MEOX1: variants seen among roughly 807,000 people sequenced by gnomAD.
The protein encoded by MEOX1 is mesenchyme homeobox 1.
A neutral mutation model predicts 23.2 loss-of-function variants in MEOX1; 17 were observed. The ratio of observed to expected loss-of-function variants is 0.73; its 90% CI spans 0.50 to 1.10. The LOEUF (loss-of-function observed/expected upper bound fraction) is 1.10. Ranked by LOEUF, MEOX1 falls within the 50% of genes least tolerant of loss-of-function variation. The probability of loss-of-function intolerance (pLI) is 0.00; values close to 1 mark genes in which losing one functional copy is unlikely to be tolerated. For missense variants in MEOX1, 333 were observed against 332.2 expected (o/e 1.00, Z -0.02); for synonymous variants, 134 against 135.1 (o/e 0.99, Z 0.06).
chr17:43,644,119 A>T (rs1972758403), intron 1 of MEOX1, among the ~76,000 whole-genome samples: 1 of 152,160 alleles, frequency 6.6e-6, no homozygotes, highest in Admixed American at 6.5e-5. Flanking sequence ...AGACCTACTA[A>T]GTCAGAAACT....
At chr17:43,654,913 G>T (rs190183678) in intron 1 of MEOX1, among the ~76,000 whole-genome samples, 1 of 151,856 alleles carries the variant, frequency 6.6e-6, no homozygotes, top group African/African-American at 2.4e-5. Flanking sequence ...TTAGCCAGAC[G>T]TGGTGGTGGG....
At chr17:43,647,918 G>A (rs964884203) in intron 1 of MEOX1, among the ~76,000 whole-genome samples, 1 of 152,224 alleles carries the variant, frequency 6.6e-6, no homozygotes, top group African/African-American at 2.4e-5. Context: ...GGCTCTGGGA[G>A]GGCGGTTGTC....
chr17:43,657,901 TCTTA>T (rs1973068721), intron 1 of MEOX1, among the ~76,000 whole-genome samples: 1 of 152,266 alleles, frequency 6.6e-6, no homozygotes, highest in Admixed American at 6.5e-5. Context: ...TTTATTGAAC[TCTTA>T]CTATGTGCCA....
chr17:43,661,417 GC>G lies in MEOX1; in HGVS notation c.117del (p.Thr41ProfsTer156). The stretch of plus-strand genomic sequence containing the variant: ...TTCTGGTGGAAGGAGAACGGGGTGG[GC>G]GGGTAGTGGGGTAGCCCTGAGGCCC... ...GNGASGLPHY[P>X]PTPFSFHQKP... On this transcript the variant is annotated frameshift_variant, in exon 1 of 3. Coordinates refer to ENST00000318579, the MANE Select transcript of MEOX1 (RefSeq NM_004527.4). LOFTEE classifies it high-confidence loss of function. 1 of 1,611,850 alleles carries G rather than the reference GC, an allele frequency of 6.2e-7. No individual in the cohort carries two copies. Among genetic ancestry groups the G allele is most frequent in the Non-Finnish European group, 8.5e-7 (1 of 1,178,578 alleles).
At chr17:43,650,796 GAC>G (rs1459182248) in intron 1 of MEOX1, among the ~76,000 whole-genome samples, 6 of 152,180 alleles carry the variant, frequency 3.9e-5, no homozygotes, top group Non-Finnish European at 7.3e-5. Flanking sequence ...AAATAGACAA[GAC>G]TGGGATGGAG....
At chr17:43,649,938 A>G (rs1972886448) in intron 1 of MEOX1, among the ~76,000 whole-genome samples, 1 of 152,182 alleles carries the variant, frequency 6.6e-6, no homozygotes, top group Admixed American at 6.5e-5. Flanking sequence ...ATTATTTCAT[A>G]TGTAGCTGCC....
chr17:43,661,542 C>G lies in MEOX1; in HGVS notation c.-8G>C. The G allele has an allele frequency of 6.7e-7, 1 of 1,489,156 alleles. No individual in the cohort carries two copies. Among genetic ancestry groups the G allele is most frequent in the Non-Finnish European group, 9.0e-7 (1 of 1,109,434 alleles). 92.2% of individuals were successfully genotyped at this position (1,489,156 alleles called of 1,614,324 possible). The stretch of plus-strand genomic sequence containing the variant: ...GCTGGCCGCGGGATCCATCTGCTGT[C>G]CGCTGCACGCCTCGGTCCTTTCAAA... On this transcript the variant is annotated 5_prime_UTR_variant, in exon 1 of 3. Transcript: ENST00000318579.
At chr17:43,651,302 G>C (rs183918740) in intron 1 of MEOX1, among the ~76,000 whole-genome samples, 8 of 152,320 alleles carry the variant, frequency 5.3e-5, no homozygotes, top group African/African-American at 1.9e-4. Context: ...CTGGGCGACA[G>C]AGTGAGACTC....
chr17:43,661,567 AGATTT>A lies in MEOX1; in HGVS notation c.-38_-34del. The A allele has an allele frequency of 1.6e-6, 2 of 1,247,746 alleles. No individual in the cohort carries two copies. Among genetic ancestry groups the A allele is most frequent in the Non-Finnish European group, 2.1e-6 (2 of 943,650 alleles). The allele number at this position is 1,247,746 out of a possible 1,614,324, so 77.3% of individuals were successfully genotyped here. Reference sequence around the variant, plus strand: ...CCGCTGCACGCCTCGGTCCTTTCAAAGATTTGATTCTTTATACTTTTTATGTTCAA... The same window carrying A: ...CCGCTGCACGCCTCGGTCCTTTCAAAGATTCTTTATACTTTTTATGTTCAA... On this transcript the variant is annotated 5_prime_UTR_variant, in exon 1 of 3. Coordinates refer to ENST00000318579, the MANE Select transcript of MEOX1 (RefSeq NM_004527.4).
At position 43,641,766 on chromosome 17, in the gene MEOX1, G is replaced by T; in HGVS notation, c.*144C>A. On this transcript the variant is annotated 3_prime_UTR_variant, in exon 3 of 3. Coordinates refer to ENST00000318579, the MANE Select transcript of MEOX1 (RefSeq NM_004527.4). ...AGAAAATCCTAAGACTCCCAGGAAT[G>T]CTGGGCAGTTTCATATCCAAGAGTC... 1 of 830,132 alleles carries T rather than the reference G, an allele frequency of 1.2e-6. No individual in the cohort carries two copies. Among genetic ancestry groups the T allele is most frequent in the Non-Finnish European group, 1.8e-6 (1 of 541,154 alleles). The allele number at this position is 830,132 out of a possible 1,614,324, so 51.4% of individuals were successfully genotyped here.
intron 1 of MEOX1, among the ~76,000 whole-genome samples, chr17:43,649,290 C>CTTTTTTT (rs10694288): frequency 4.8e-4 from 41 of 86,222 alleles, no homozygotes; most frequent in East Asian, 1.5e-3. Flanking sequence ...GGCCTTTCAG[C>CTTTTTTT]TTTTTTTTTT....
Position 43,652,878 on chromosome 17 carries a change from CTGGAG to C in MEOX1, c.469+8183_469+8187del, listed in dbSNP as rs767953940. Among the ~76,000 whole-genome samples the C allele has an allele frequency of 7.0e-5, 9 of 127,906 alleles. No homozygotes were observed. In the East Asian group the frequency reaches 1.0e-3, roughly 15 times the overall value. 83.9% of individuals were successfully genotyped at this position (127,906 alleles called of 152,430 possible). A position where few individuals can be genotyped will look rare whatever the true frequency, so the allele number is the denominator to read the frequency against. ...ACGGAGTCTCACTCTGTCGCCCAGG[CTGGAG>C]TGCAGTGGTGTGATCTCGGCTCACT... On this transcript the variant is annotated intron_variant, in intron 1 of 2. Transcript: ENST00000318579.
intron 1 of MEOX1, among the ~76,000 whole-genome samples, chr17:43,658,726 T>C (rs1212530261): frequency 6.6e-6 from 1 of 152,104 alleles, no homozygotes; most frequent in Admixed American, 6.5e-5. Flanking sequence ...CTTTCCCCCT[T>C]CTTTGGGCTC....
rs186534757 is a variant in MEOX1, at chr17:43,658,379, C to T, written c.469+2687G>A. Reference sequence around the variant, plus strand: ...AAAATTAGCCGGGAGAGGGGGCGTGCGCCTATAATCCCAGCTACTCAGGAG... The same window carrying T: ...AAAATTAGCCGGGAGAGGGGGCGTGTGCCTATAATCCCAGCTACTCAGGAG... On this transcript the variant is annotated intron_variant, in intron 1 of 2. Coordinates refer to ENST00000318579, the MANE Select transcript of MEOX1 (RefSeq NM_004527.4). Among the ~76,000 whole-genome samples the T allele has an allele frequency of 6.1e-3, 921 of 152,080 alleles. 9 individuals are homozygous for T. The highest frequency in any genetic ancestry group is 0.02 in the African/African-American group (844 of 41,492).
chr17:43,652,641 G>T (rs1355774660), intron 1 of MEOX1, among the ~76,000 whole-genome samples: 5 of 152,022 alleles, frequency 3.3e-5, no homozygotes, highest in African/African-American at 1.2e-4. Context: ...ACCTGAACCA[G>T]GGCTACCTTG....
chr17:43,649,045 A>T (rs1194900072), intron 1 of MEOX1, among the ~76,000 whole-genome samples: 2 of 152,216 alleles, frequency 1.3e-5, no homozygotes, highest in Non-Finnish European at 2.9e-5. Context: ...TTTGCAAAGC[A>T]GGAATAGCTA....
intron 1 of MEOX1, among the ~76,000 whole-genome samples, chr17:43,644,848 G>A (rs939025580): frequency 1.3e-5 from 2 of 152,118 alleles, no homozygotes; most frequent in Non-Finnish European, 2.9e-5. Flanking sequence ...CCCAGGAGGC[G>A]GAGGCTACAG....
At chr17:43,643,138 G>A (rs967586685) in intron 2 of MEOX1, among the ~76,000 whole-genome samples, 1 of 145,542 alleles carries the variant, frequency 6.9e-6, no homozygotes, top group East Asian at 2.0e-4. Context: ...GTGAAACCCC[G>A]CCTCTACTAA....
chr17:43,644,790 C>A (rs1256582672), intron 1 of MEOX1, among the ~76,000 whole-genome samples: 1 of 152,168 alleles, frequency 6.6e-6, no homozygotes. Flanking sequence ...GTGGCACGCC[C>A]CTGTAATCCC....
Sources: allele counts gnomAD v4.1 joint callset (sites outside exome capture counted in the v4.1 genomes callset), GRCh38; gene constraint gnomAD v4.1.1; transcripts MANE v1.5; gene names NCBI Gene and HGNC (gene_info 2026-07-23, HGNC 2026-07-21).